QSOX2: variants seen among roughly 807,000 people sequenced by gnomAD.
The protein encoded by QSOX2 is quiescin sulfhydryl oxidase 2.
A neutral mutation model predicts 61.7 loss-of-function variants in QSOX2; 46 were observed. The ratio of observed to expected loss-of-function variants is 0.75; its 90% confidence interval spans 0.59 to 0.95. The LOEUF (loss-of-function observed/expected upper bound fraction) is 0.95. Among genes scored for constraint, QSOX2 ranks in the 40% least tolerant of loss-of-function variants. The probability of loss-of-function intolerance (pLI) is 0.00; values close to 1 mark genes in which losing one functional copy is unlikely to be tolerated. For synonymous variants in QSOX2, 383 were observed against 388.4 expected (o/e 0.99, Z 0.16); for missense variants, 879 against 918.9 (o/e 0.96, Z 0.56).
intron 1 of QSOX2, among the ~76,000 whole-genome samples, chr9:136,231,175 C>T (rs1830326263): frequency 6.6e-6 from 1 of 152,166 alleles, no homozygotes; most frequent in South Asian, 2.1e-4. Context: ...TCACAGAGGC[C>T]GAGGAAGGCT....
chr9:136,211,528 G>T (rs1191961383), intron 10 of QSOX2, 76 bp from the exon 11 acceptor site: 5 of 1,479,952 alleles, frequency 3.4e-6, no homozygotes, highest in Non-Finnish European at 4.7e-6. Flanking sequence ...CAGAGAGCCT[G>T]GGGGGAAACC....
chr9:136,212,483 C>G (rs1042979133), intron 10 of QSOX2, among the ~76,000 whole-genome samples: 1 of 152,376 alleles, frequency 6.6e-6, no homozygotes, highest in Non-Finnish European at 1.5e-5. Flanking sequence ...GCGTCCTGGT[C>G]GGTCCCAAAT....
chr9:136,241,969 T>C (rs1370501456), intron 1 of QSOX2, among the ~76,000 whole-genome samples: 10 of 152,270 alleles, frequency 6.6e-5, no homozygotes, highest in South Asian at 4.2e-4. Flanking sequence ...ATTTCGGAGA[T>C]CTCACCGGTC....
In QSOX2 at chr9:136,208,960, G is replaced by C. The variant is rs752970083; in HGVS notation, c.1865C>G (p.Pro622Arg). Reference protein sequence around the residue: ...PGALGPRPALPESLHHSLDGK... With the variant: ...PGALGPRPALRESLHHSLDGK... ...GTCCAAGCTGTGATGCAAGCTCTCT[G>C]GAAGGGCAGGCCTGGGGCCCAGTGC... The change falls in exon 12 of 12, where the codon CCA (proline) becomes CGA (arginine). Residue 622 changes from proline to arginine, a missense_variant. Pro to Arg is a moderately radical substitution (Grantham distance 103). Coordinates refer to ENST00000358701, the MANE Select transcript of QSOX2 (RefSeq NM_181701.4). 6.2e-7 allele frequency: 1 copy of C among 1,613,584 alleles called. No individual in the cohort carries two copies. Among genetic ancestry groups the C allele is most frequent in the Non-Finnish European group, 8.5e-7 (1 of 1,179,690 alleles).
rs1326775519 is a variant in QSOX2, at chr9:136,219,257, C to A, written c.822-93G>T. The A allele has an allele frequency of 2.8e-6, 4 of 1,437,824 alleles. No homozygotes were observed. In the Admixed American group the frequency reaches 9.9e-5, roughly 35 times the overall value. The allele number at this position is 1,437,824 out of a possible 1,614,324, so 89.1% of individuals were successfully genotyped here. On this transcript the variant is annotated intron_variant, in intron 6 of 11. Transcript: ENST00000358701. ...CATTCAGGACAGCTCTGGGCCACCC[C>A]TTTCATCCTTTGGGCATTTATTGGG...
At chr9:136,241,984 G>T (rs568053898) in intron 1 of QSOX2, among the ~76,000 whole-genome samples, 19 of 152,320 alleles carry the variant, frequency 1.2e-4, no homozygotes, top group Non-Finnish European at 2.2e-4. Context: ...CCGGTCAGAC[G>T]GGCCAAAGTG....
At position 136,206,671 on chromosome 9, in the gene QSOX2, G is replaced by A. The variant is rs1384703245; in HGVS notation, c.*2057C>T. The A allele has an allele frequency of 1.3e-5, 2 of 152,154 alleles. No homozygotes were observed. Among genetic ancestry groups the A allele is most frequent in the Non-Finnish European group, 2.9e-5 (2 of 67,990 alleles). 9.4% of individuals were successfully genotyped at this position (152,154 alleles called of 1,614,324 possible). On this transcript the variant is annotated 3_prime_UTR_variant, in exon 12 of 12. Transcript: ENST00000358701. ...ACCTCCACGACGGCCCAGCCCCACCGACGCTCTGCTGAAAATCCTGCCCCT... is the reference window on the plus strand; with the variant it reads ...ACCTCCACGACGGCCCAGCCCCACCAACGCTCTGCTGAAAATCCTGCCCCT...
At chr9:136,243,217 C>T (rs1830446601) in intron 1 of QSOX2, among the ~76,000 whole-genome samples, 1 of 152,204 alleles carries the variant, frequency 6.6e-6, no homozygotes, top group Non-Finnish European at 1.5e-5. Flanking sequence ...TTGAAATGGT[C>T]CTGCAAAGCT....
At chr9:136,245,398 T>G in intron 1 of QSOX2, 78 bp downstream of exon 1, 1 of 1,273,750 alleles carries the variant, frequency 7.9e-7, no homozygotes, top group Non-Finnish European at 1.1e-6. Flanking sequence ...GGGACCCGCC[T>G]TCTGGGGCGG....
chr9:136,223,728 A>G lies in QSOX2; in HGVS notation c.675+35T>C. On this transcript the variant is annotated intron_variant, in intron 5 of 11. Transcript: ENST00000358701. The surrounding 1 kb of genome is among the most constrained non-coding windows in gnomAD (Gnocchi z 4.4). The stretch of plus-strand genomic sequence containing the variant: ...ATCCACCGCCAACCCCAATCACACC[A>G]CGTGTGACACCTGGAGCCCACGCAG... 1 of 1,548,334 alleles carries G rather than the reference A, an allele frequency of 6.5e-7. No individual in the cohort carries two copies. The highest frequency in any genetic ancestry group is 8.9e-7 in the Non-Finnish European group (1 of 1,122,652).
rs1202975743 is a variant in QSOX2 at position 136,243,554 on chromosome 9, C to G, written c.328+1922G>C. Among the ~76,000 whole-genome samples, 9 of 152,346 alleles carry G rather than the reference C, an allele frequency of 5.9e-5. No individual in the cohort carries two copies. The East Asian group carries it at 1.7e-3, about 29-fold the overall frequency. On this transcript the variant is annotated intron_variant, in intron 1 of 11. Transcript: ENST00000358701. ...ACCTTACATGTACTGATTTATGTCT[C>G]TCTGCCTATAACTTCTGTCTCCCTA...
chr9:136,225,282 CAGG>C (rs1830268755), intron 2 of QSOX2, among the ~76,000 whole-genome samples: 1 of 152,192 alleles, frequency 6.6e-6, no homozygotes, highest in South Asian at 2.1e-4. Context: ...GGAGGATGTG[CAGG>C]AGGAGGAGAC....
At chr9:136,211,039 C>T (rs899840784) in intron 11 of QSOX2, 7 of 514,454 alleles carry the variant, frequency 1.4e-5, no homozygotes, top group African/African-American at 2.1e-5. Flanking sequence ...GAAGAGCCCC[C>T]GGAGTGAGAG....
At chr9:136,224,160 T>G in intron 3 of QSOX2, 48 bp from the exon 4 acceptor site, 1 of 1,478,092 alleles carries the variant, frequency 6.8e-7, no homozygotes, top group South Asian at 1.2e-5. Flanking sequence ...GCTGTCCTCG[T>G]GGGGCAGGCA....
intron 11 of QSOX2, 126 bp downstream of exon 11, chr9:136,211,138 A>G (rs540659555): frequency 2.8e-6 from 3 of 1,058,168 alleles, no homozygotes; most frequent in Admixed American, 2.3e-5. Flanking sequence ...TCCCGTCAGC[A>G]CAGTGGGTGG....
At chr9:136,225,275 G>A (rs982974454) in intron 2 of QSOX2, among the ~76,000 whole-genome samples, 1 of 152,246 alleles carries the variant, frequency 6.6e-6, no homozygotes, top group Non-Finnish European at 1.5e-5. Context: ...ACAACACGGA[G>A]GATGTGCAGG....
intron 1 of QSOX2, among the ~76,000 whole-genome samples, chr9:136,239,758 T>G (rs1830419770): frequency 6.6e-6 from 1 of 152,140 alleles, no homozygotes; most frequent in African/African-American, 2.4e-5. Context: ...TGTCTGTCCT[T>G]GAAAGAATGC....
Position 136,245,663 on chromosome 9 carries a change from C to T in QSOX2, c.141G>A (p.Pro47=). The change falls in exon 1 of 12, where the codon CCG becomes CCA. Residue 47 remains proline (P), a synonymous_variant. Coordinates refer to ENST00000358701, the MANE Select transcript of QSOX2 (RefSeq NM_181701.4). ...ACAGCCGCGCCGCACCGCCCGCGCC[C>T]GGCCCCACCGCCGCCGCCGCTAGCA... ...LVLLAAAAVG[P]GAGGAARLYR... 2 of 1,225,784 alleles carry T rather than the reference C, an allele frequency of 1.6e-6. No individual in the cohort carries two copies. Among genetic ancestry groups the T allele is most frequent in the Non-Finnish European group, 2.0e-6 (2 of 986,298 alleles). The allele number at this position is 1,225,784 out of a possible 1,614,324, so 75.9% of individuals were successfully genotyped here.
At chr9:136,235,006 G>A (rs983439588) in intron 1 of QSOX2, among the ~76,000 whole-genome samples, 9 of 151,866 alleles carry the variant, frequency 5.9e-5, no homozygotes, top group Non-Finnish European at 1.0e-4. Flanking sequence ...TACCCTGACC[G>A]CTGTTCAACT....
Sources: allele counts gnomAD v4.1 joint callset (sites outside exome capture counted in the v4.1 genomes callset), GRCh38; gene constraint gnomAD v4.1.1; non-coding constraint Gnocchi (gnomAD v3.1); transcripts MANE v1.5; gene names NCBI Gene and HGNC (gene_info 2026-07-23, HGNC 2026-07-21).